Variants in EXOC4 observed in about 807,000 individuals in gnomAD.
EXOC4 encodes SEC8-like 1.
EXOC4 carries 71 observed loss-of-function variants against 107.2 expected under a neutral mutation model. The ratio of observed to expected loss-of-function variants is 0.66; its 90% CI spans 0.55 to 0.81. The LOEUF (loss-of-function observed/expected upper bound fraction) is 0.81, where lower values mean the gene tolerates loss of function less well. Among genes scored for constraint, EXOC4 ranks in the 30% least tolerant of loss-of-function variants. The pLI, the probability that EXOC4 is intolerant of heterozygous loss-of-function variation, is 0.00. For synonymous variants in EXOC4, 456 were observed against 441.2 expected, an observed-to-expected ratio of 1.03 and a Z score of -0.42; for missense variants, 1,108 against 1,189.6, an observed-to-expected ratio of 0.93 and a Z score of 1.01.
chr7:133,297,353 C>G (rs1250357591), intron 3 of EXOC4, among the ~76,000 whole-genome samples: 1 of 152,134 alleles, frequency 6.6e-6, no homozygotes, highest in Non-Finnish European at 1.5e-5. Flanking sequence ...ATTTGTGCAT[C>G]TTTGCTGTGG....
chr7:133,499,022 A>G (rs1237367949), intron 9 of EXOC4, among the ~76,000 whole-genome samples: 4 of 151,454 alleles, frequency 2.6e-5, no homozygotes, highest in Admixed American at 6.6e-5. Flanking sequence ...AGTACTTACC[A>G]TGTGTCAATC....
chr7:133,467,846 A>C (rs1054319803), intron 7 of EXOC4, among the ~76,000 whole-genome samples: 4 of 151,622 alleles, frequency 2.6e-5, no homozygotes, highest in African/African-American at 9.7e-5. Context: ...TTGTTGCCCT[A>C]GTTAGGAGCC....
At chr7:133,664,169 T>G (rs6467499) in intron 10 of EXOC4, among the ~76,000 whole-genome samples, 68,764 of 152,000 alleles carry the variant, frequency 0.45, 15,818 homozygotes, top group South Asian at 0.62. Flanking sequence ...AAAACTGTGA[T>G]ATCTTCTTCC....
At chr7:134,068,763 T>C (rs542934664), downstream of EXOC4, among the ~76,000 whole-genome samples, 2 of 152,292 alleles carry the variant, frequency 1.3e-5, no homozygotes, top group Admixed American at 1.3e-4. Context: ...CGACGGTCCT[T>C]ATTTATGTTT....
At chr7:133,325,991 C>A (rs1795230530) in intron 5 of EXOC4, among the ~76,000 whole-genome samples, 1 of 152,154 alleles carries the variant, frequency 6.6e-6, no homozygotes, top group Non-Finnish European at 1.5e-5. Flanking sequence ...CCTCTTCTTC[C>A]AGTTGATCAA....
intron 17 of EXOC4, among the ~76,000 whole-genome samples, chr7:134,053,825 C>G (rs919844040): frequency 8.6e-5 from 13 of 152,024 alleles, no homozygotes; most frequent in Non-Finnish European, 1.3e-4. Context: ...ATCCTCTTTT[C>G]TGATTTTCTT....
chr7:133,724,061 T>C (rs905976034), intron 10 of EXOC4, among the ~76,000 whole-genome samples: 2 of 152,202 alleles, frequency 1.3e-5, no homozygotes, highest in Non-Finnish European at 2.9e-5. Context: ...GTTTAACTTA[T>C]GTGAGAGCCA....
the EXOC4 span, among the ~76,000 whole-genome samples, chr7:134,100,059 A>G: frequency 6.6e-6 from 1 of 152,190 alleles, no homozygotes; most frequent in Non-Finnish European, 1.5e-5. Context: ...CTTCATTTCT[A>G]AAGGCTACCA....
intron 9 of EXOC4, among the ~76,000 whole-genome samples, chr7:133,542,281 T>C (rs1800396014): frequency 6.6e-6 from 1 of 151,994 alleles, no homozygotes. Context: ...CAATCATGTA[T>C]AATTATGATT....
chr7:133,880,531 G>C (rs1798944122), intron 11 of EXOC4, among the ~76,000 whole-genome samples: 1 of 152,186 alleles, frequency 6.6e-6, no homozygotes, highest in South Asian at 2.1e-4. Flanking sequence ...CTTAGCCGTA[G>C]AGTTGCATTG....
At position 134,065,158 on chromosome 7, in the gene EXOC4, A is replaced by T. The variant is rs1235116314; in HGVS notation, c.*630A>T. On this transcript the variant is annotated 3_prime_UTR_variant, in exon 18 of 18. Coordinates refer to ENST00000253861, the MANE Select transcript of EXOC4 (RefSeq NM_021807.4). ...TCCCTGGGACAGTTTTGTATGCTGT[A>T]TCTTGTACACAGGTTGTAGGTTGGT... 2.0e-5 allele frequency: 3 copies of T among 152,556 alleles called. No individual in the cohort carries two copies. Among genetic ancestry groups the T allele is most frequent in the African/African-American group, 7.2e-5 (3 of 41,442 alleles). The allele number at this position is 152,556 out of a possible 1,614,324, so 9.5% of individuals were successfully genotyped here.
chr7:133,733,803 A>G (rs559169162), intron 10 of EXOC4, among the ~76,000 whole-genome samples: 18 of 152,256 alleles, frequency 1.2e-4, no homozygotes, highest in East Asian at 3.9e-4. Context: ...TTACAAGTCT[A>G]TGGTAACTTT....
intron 14 of EXOC4, among the ~76,000 whole-genome samples, chr7:133,977,833 ACAAAT>A (rs1231026251): frequency 1.3e-5 from 2 of 152,136 alleles, no homozygotes; most frequent in Non-Finnish European, 2.9e-5. Context: ...GAATTGGGTA[ACAAAT>A]CAAAGTGGAG....
At chr7:133,856,889 A>G (rs1428427179) in intron 11 of EXOC4, among the ~76,000 whole-genome samples, 1 of 151,436 alleles carries the variant, frequency 6.6e-6, no homozygotes, top group Non-Finnish European at 1.5e-5. Context: ...TCACGAGGTC[A>G]GGAGATCGAG....
intron 9 of EXOC4, among the ~76,000 whole-genome samples, chr7:133,503,412 T>C (rs1337371160): frequency 6.6e-6 from 1 of 152,186 alleles, no homozygotes; most frequent in Non-Finnish European, 1.5e-5. Context: ...AGGAACATGA[T>C]CCATTGATCT....
the EXOC4 span, among the ~76,000 whole-genome samples, chr7:134,100,611 T>G: frequency 2.3e-5 from 3 of 130,578 alleles, no homozygotes; most frequent in African/African-American, 7.9e-5. Context: ...GGGAAGGTTA[T>G]TGTGGCCAAG....
At chr7:133,975,745 GCACACACACACACA>G (rs57377025) in intron 14 of EXOC4, among the ~76,000 whole-genome samples, 1 of 149,996 alleles carries the variant, frequency 6.7e-6, no homozygotes, top group Non-Finnish European at 1.5e-5. Flanking sequence ...AAATGCGTGT[GCACACACACACACA>G]CACACACACA....
chr7:133,324,509 G>C (rs1795190181), intron 5 of EXOC4, among the ~76,000 whole-genome samples: 1 of 152,178 alleles, frequency 6.6e-6, no homozygotes, highest in Admixed American at 6.5e-5. Flanking sequence ...TTTCCATGTA[G>C]TTGTGTGATT....
chr7:133,881,680 G>A (rs1798969608), intron 11 of EXOC4, among the ~76,000 whole-genome samples: 1 of 152,050 alleles, frequency 6.6e-6, no homozygotes, highest in East Asian at 1.9e-4. Context: ...TATAGAGAAG[G>A]TACTTACTTA....
Sources: gnomAD v4.1 joint callset for allele counts (sites outside exome capture counted in the v4.1 genomes callset) on GRCh38, gnomAD v4.1.1 for gene constraint, MANE v1.5 for transcripts, NCBI Gene and HGNC (gene_info 2026-07-23, HGNC 2026-07-21) for gene names.